MCHR2: variants seen among roughly 807,000 people sequenced by gnomAD.
The protein encoded by MCHR2 is melanin concentrating hormone receptor 2, also known as melanin-concentrating hormone receptor 2.
Under a neutral mutation model 24.8 loss-of-function variants are expected in MCHR2, and 15 were observed. The observed-to-expected ratio is 0.60, with a 90% CI of 0.40 to 0.93. The LOEUF is 0.93. Ranked by LOEUF, MCHR2 falls within the 40% of genes least tolerant of loss-of-function variation. The pLI is 0.00. For missense variants in MCHR2, 386 were observed against 408.7 expected (o/e 0.94, Z 0.48); for synonymous variants, 151 against 147.6 (o/e 1.02, Z -0.17).
rs1774898254 is a variant in MCHR2, at chr6:99,947,832, T to A, written c.322A>T (p.Ile108Phe). The change falls in exon 3 of 6, where the codon ATC becomes TTC. Residue 108 changes from isoleucine (I) to phenylalanine (F), a missense_variant. Physicochemically the swap from Ile to Phe is conservative, Grantham distance 21 (BLOSUM62 0). Coordinates refer to ENST00000281806, the MANE Select transcript of MCHR2 (RefSeq NM_001040179.2). ...TTACAAGTATCCAGGGATGTGATGA[T>A]GGTGCAGAGAGGCCCCCCAAACACC... ...EWVFGGPLCT[I>F]ITSLDTCNQF... is the part of the protein sequence containing the mutation. 6.2e-7 allele frequency: 1 copy of A among 1,613,680 alleles called. No homozygotes were observed. Among genetic ancestry groups the A allele is most frequent in the Non-Finnish European group, 8.5e-7 (1 of 1,179,816 alleles).
chr6:99,954,712 G>A (rs1775026664), intron 2 of MCHR2, among the ~76,000 whole-genome samples: 1 of 152,144 alleles, frequency 6.6e-6, no homozygotes, highest in African/African-American at 2.4e-5. Context: ...GAAAGTGATT[G>A]TTTATTGGTT....
chr6:99,939,193 T>A (rs1160046659), intron 4 of MCHR2, among the ~76,000 whole-genome samples: 1 of 152,064 alleles, frequency 6.6e-6, no homozygotes, highest in Non-Finnish European at 1.5e-5. Flanking sequence ...TTATTATTGA[T>A]AAGCAAGGAC....
At chr6:99,960,545 C>A (rs1775164473) in intron 1 of MCHR2, among the ~76,000 whole-genome samples, 1 of 152,128 alleles carries the variant, frequency 6.6e-6, no homozygotes, top group Admixed American at 6.5e-5. Flanking sequence ...GCAAAAGGAA[C>A]AAAGCCAGAG....
chr6:99,925,695 A>G (rs1774337864), intron 5 of MCHR2, among the ~76,000 whole-genome samples: 1 of 151,976 alleles, frequency 6.6e-6, no homozygotes, highest in Admixed American at 6.6e-5. Context: ...AAAACTCTAC[A>G]CCTTAACTTT....
chr6:99,946,285 T>A (rs1456717975), intron 3 of MCHR2, among the ~76,000 whole-genome samples: 1 of 152,212 alleles, frequency 6.6e-6, no homozygotes, highest in Non-Finnish European at 1.5e-5. Flanking sequence ...TTTAAAAATG[T>A]GTTAGTTACA....
In MCHR2 at chr6:99,956,058, A is replaced by C; in HGVS notation, c.90T>G (p.Ser30Arg). Residue 30 changes from serine (S) to arginine (R), a missense_variant, in exon 2 of 6, where the codon AGT (serine) becomes AGG (arginine). Coordinates refer to ENST00000281806, the MANE Select transcript of MCHR2 (RefSeq NM_001040179.2). ...WNKEFAYQTA[S>R]VVDTVILPSM... Reference sequence around the variant, plus strand: ...AAGGGAGGATGACTGTATCTACCACACTGGCAGTTTGATAAGCAAACTCTT... The same window carrying C: ...AAGGGAGGATGACTGTATCTACCACCCTGGCAGTTTGATAAGCAAACTCTT... The C allele has an allele frequency of 6.2e-7, 1 of 1,613,398 alleles. No homozygotes were observed. Among genetic ancestry groups the C allele is most frequent in the Non-Finnish European group, 8.5e-7 (1 of 1,179,574 alleles).
chr6:99,981,532 G>A (rs1258589270), intron 1 of MCHR2, among the ~76,000 whole-genome samples: 3 of 152,146 alleles, frequency 2.0e-5, no homozygotes, highest in Non-Finnish European at 4.4e-5. Flanking sequence ...CTACCCTACA[G>A]GGATTGAGAA....
chr6:99,943,200 G>A lies in MCHR2; in HGVS notation c.393-57C>T, dbSNP rs1774810381. 6 of 1,427,136 alleles carry A rather than the reference G, an allele frequency of 4.2e-6. No homozygotes were observed. In the Admixed American group the frequency reaches 9.9e-5, roughly 24 times the overall value. 88.4% of individuals were successfully genotyped at this position (1,427,136 alleles called of 1,614,324 possible). A position where few individuals can be genotyped will look rare whatever the true frequency, so the allele number is the denominator to read the frequency against. ...AATCAATAAAAGCACTGAGCTCCAA[G>A]GATGAAAGGTTCATGATGAGAGTAA... On this transcript the variant is annotated intron_variant, in intron 3 of 5. Transcript: ENST00000281806.
intron 2 of MCHR2, among the ~76,000 whole-genome samples, chr6:99,954,478 T>C (rs1347530544): frequency 2.0e-5 from 3 of 152,030 alleles, no homozygotes; most frequent in Admixed American, 6.6e-5. Context: ...CCTGACCTCA[T>C]GTGATGGGTT....
chr6:99,955,886 G>A, intron 2 of MCHR2, 80 bp downstream of exon 2: 1 of 1,165,364 alleles, frequency 8.6e-7, no homozygotes, highest in Non-Finnish European at 1.2e-6. Flanking sequence ...TGCTACAGGG[G>A]AAAGGACTCA....
At chr6:99,926,824 G>A (rs6916176) in intron 5 of MCHR2, among the ~76,000 whole-genome samples, 18,077 of 152,092 alleles carry the variant, frequency 0.12, 1,157 homozygotes, top group African/African-American at 0.14. Flanking sequence ...TTGCTGTGCC[G>A]AAGCTCTTCA....
chr6:99,931,757 A>C (rs1435960024), intron 5 of MCHR2, among the ~76,000 whole-genome samples: 1 of 152,114 alleles, frequency 6.6e-6, no homozygotes, highest in Non-Finnish European at 1.5e-5. Flanking sequence ...TTCTTTGACT[A>C]GGAAAGGGAA....
intron 1 of MCHR2, among the ~76,000 whole-genome samples, chr6:99,993,593 C>T (rs895142740): frequency 1.3e-4 from 20 of 152,092 alleles, no homozygotes; most frequent in African/African-American, 4.6e-4. Flanking sequence ...CCGGGATGAA[C>T]TAGCCCGGCG....
Position 99,921,212 on chromosome 6 carries a change from T to C in MCHR2, c.751A>G (p.Lys251Glu). The change falls in exon 6 of 6, where the codon AAG (lysine) becomes GAG (glutamate). Residue 251 changes from lysine to glutamate, a missense_variant. By Grantham distance (56) the Lys-to-Glu change is moderately conservative. Coordinates refer to ENST00000281806, the MANE Select transcript of MCHR2 (RefSeq NM_001040179.2). ...VPKQRVMKLT[K>E]MVLVLVVVFI... is the part of the protein sequence containing the mutation. ...ACTACCACCAGCACCAGCACCATCT[T>C]TGTCAACTTCATCACTCTCTGTTTT... is the stretch of plus-strand genomic sequence containing the variant. 3.1e-6 allele frequency: 5 copies of C among 1,614,096 alleles called. No homozygotes were observed. The highest frequency in any genetic ancestry group is 2.5e-6 in the Non-Finnish European group (3 of 1,179,998).
intron 1 of MCHR2, among the ~76,000 whole-genome samples, chr6:99,970,485 C>T (rs568075466): frequency 1.3e-4 from 19 of 151,980 alleles, no homozygotes; most frequent in Admixed American, 5.2e-4. Flanking sequence ...GAGTAGGGTG[C>T]GAAAATTTTC....
At chr6:99,955,922 C>A in intron 2 of MCHR2, 44 bp downstream of exon 2, 1 of 1,430,000 alleles carries the variant, frequency 7.0e-7, no homozygotes, top group Non-Finnish European at 9.2e-7. Flanking sequence ...CTGTAGTTTC[C>A]TAAAGTATGG....
rs201718043 is a variant in MCHR2 at position 99,920,992 on chromosome 6, G to A, written c.971C>T (p.Ala324Val). The change falls in exon 6 of 6, where the codon GCG (alanine) becomes GTG (valine). Residue 324 changes from alanine to valine, a missense_variant. By Grantham distance (64) the Ala-to-Val change is moderately conservative (BLOSUM62 0). Coordinates refer to ENST00000281806, the MANE Select transcript of MCHR2 (RefSeq NM_001040179.2). Reference protein sequence around the residue: ...QKRLPQIQRRATEKEINNMGN... With the variant: ...QKRLPQIQRRVTEKEINNMGN... ...CATATTGTTGATTTCCTTCTCAGTC[G>A]CTCTTCTTTGGATTTGAGGCAGACG... 426 of 1,614,110 alleles carry A rather than the reference G, an allele frequency of 2.6e-4. 2 individuals carry two copies. In the East Asian group the frequency reaches 8.3e-3, roughly 31 times the overall value.
chr6:99,965,818 AT>A (rs1383849892), intron 1 of MCHR2, among the ~76,000 whole-genome samples: 1 of 152,132 alleles, frequency 6.6e-6, no homozygotes, highest in East Asian at 1.9e-4. Context: ...ATGTATAGCA[AT>A]TTTTATGATC....
Position 99,919,788 on chromosome 6 carries a change from C to CG in MCHR2, c.*1151dup, listed in dbSNP as rs1774187361. ...TATTGCCCAAGCTGGAGTGCAGTGG[C>CG]GTGATCTCGGCTCACTGTAACCTCC... On this transcript the variant is annotated 3_prime_UTR_variant, in exon 6 of 6. Transcript: ENST00000281806. 1 of 147,478 alleles carries CG rather than the reference C, an allele frequency of 6.8e-6. No individual in the cohort carries two copies. The highest frequency in any genetic ancestry group is 1.5e-5 in the Non-Finnish European group (1 of 67,422). The allele number at this position is 147,478 out of a possible 1,614,324, so 9.1% of individuals were successfully genotyped here.
Sources: allele counts gnomAD v4.1 joint callset (sites outside exome capture counted in the v4.1 genomes callset), GRCh38; gene constraint gnomAD v4.1.1; transcripts MANE v1.5; gene names NCBI Gene and HGNC (gene_info 2026-07-23, HGNC 2026-07-21).